The following HOMER2 variants were observed in gnomAD, a reference collection of about 807,000 sequenced individuals.
HOMER2 encodes homer protein homolog 2.
In HOMER2, 27 loss-of-function variants were observed where a neutral mutation model predicts 47.0. The ratio of observed to expected loss-of-function variants is 0.57; its 90% CI spans 0.42 to 0.79. HOMER2 has a LOEUF of 0.79. Among genes scored for constraint, HOMER2 ranks in the 30% least tolerant of loss-of-function variants. The pLI is 0.00. For synonymous variants in HOMER2, 161 were observed against 163.8 expected (o/e 0.98, Z 0.13); for missense variants, 443 against 435.0 (o/e 1.02, Z -0.16).
intron 1 of HOMER2, among the ~76,000 whole-genome samples, chr15:82,980,777 CT>C (rs1001295692): frequency 2.0e-4 from 30 of 152,258 alleles, no homozygotes; most frequent in African/African-American, 7.0e-4. Flanking sequence ...ATTTTAGAGT[CT>C]TGAATTTGGC....
At chr15:82,910,538 G>A (rs2053422677) in intron 1 of HOMER2, among the ~76,000 whole-genome samples, 1 of 152,178 alleles carries the variant, frequency 6.6e-6, no homozygotes, top group African/African-American at 2.4e-5. Flanking sequence ...AGCAAGGGTT[G>A]CACAGTACGT....
At chr15:82,929,127 C>T (rs1758662178) in intron 1 of HOMER2, among the ~76,000 whole-genome samples, 1 of 151,870 alleles carries the variant, frequency 6.6e-6, no homozygotes. Context: ...TCAATACAGC[C>T]GATCATAGAC....
intron 1 of HOMER2, among the ~76,000 whole-genome samples, chr15:82,976,057 C>T (rs2030190517): frequency 6.6e-6 from 1 of 152,130 alleles, no homozygotes; most frequent in African/African-American, 2.4e-5. Context: ...AGTCTGCATC[C>T]TCTGCACCCA....
intron 1 of HOMER2, among the ~76,000 whole-genome samples, chr15:82,938,676 C>T (rs750776819): frequency 1.3e-5 from 2 of 152,142 alleles, no homozygotes; most frequent in Non-Finnish European, 2.9e-5. Context: ...CTTCTCCACC[C>T]GCTCCTCACA....
intron 5 of HOMER2, among the ~76,000 whole-genome samples, chr15:82,855,476 G>A (rs114032402): frequency 1.4e-4 from 21 of 152,302 alleles, no homozygotes; most frequent in African/African-American, 4.6e-4. Flanking sequence ...TGGGTGGACC[G>A]GGTGACCTTC....
chr15:82,855,403 G>GGCGGGCAAGGC (rs1240079241), intron 5 of HOMER2, among the ~76,000 whole-genome samples: 2 of 151,852 alleles, frequency 1.3e-5, no homozygotes, highest in East Asian at 3.9e-4. Context: ...AGGGCTGCAG[G>GGCGGGCAAGGC]GCGGGCAAGG....
downstream of HOMER2, among the ~76,000 whole-genome samples, chr15:82,836,576 C>T (rs1456074196): frequency 6.6e-6 from 1 of 152,266 alleles, no homozygotes; most frequent in Non-Finnish European, 1.5e-5. Context: ...GCCAGGTCTT[C>T]TCTGACCTCT....
chr15:82,930,954 G>T (rs1486871969), intron 1 of HOMER2, among the ~76,000 whole-genome samples: 5 of 152,172 alleles, frequency 3.3e-5, no homozygotes, highest in Non-Finnish European at 7.4e-5. Context: ...TTGAACCCGG[G>T]AGGCGGAGGT....
At chr15:82,914,975 A>G (rs1449157184) in intron 1 of HOMER2, among the ~76,000 whole-genome samples, 1 of 152,142 alleles carries the variant, frequency 6.6e-6, no homozygotes, top group African/African-American at 2.4e-5. Flanking sequence ...CTTGAGGCCA[A>G]GAGTTTGAGA....
Position 82,869,450 on chromosome 15 carries a change from C to CT in HOMER2, c.295-5192dup, listed in dbSNP as rs71822678. On this transcript the variant is annotated intron_variant, in intron 3 of 8. Transcript: ENST00000450735. ...AATTATATGATTTTCTACTAAACAT[C>CT]TTTTTTTTTTTTTTTTTTTTTTTTT... Among the ~76,000 whole-genome samples the CT allele has an allele frequency of 7.3e-3, 516 of 70,220 alleles. 114 individuals are homozygous for CT. Among genetic ancestry groups the CT allele is most frequent in the African/African-American group, 0.016 (271 of 16,672 alleles). The allele number at this position is 70,220 out of a possible 152,430, so 46.1% of individuals were successfully genotyped here. A position where few individuals can be genotyped will look rare whatever the true frequency, so the allele number is the denominator to read the frequency against.
At chr15:82,914,118 C>T (rs544197251) in intron 1 of HOMER2, among the ~76,000 whole-genome samples, 18 of 151,516 alleles carry the variant, frequency 1.2e-4, no homozygotes, top group East Asian at 5.9e-4. Flanking sequence ...GGGCAGATCA[C>T]GAGGTCAGGA....
exon 2 of HOMER2, chr15:82,841,625 T>C (rs1379617453): frequency 1.3e-5 from 2 of 152,066 alleles, no homozygotes; most frequent in Non-Finnish European, 2.9e-5. Flanking sequence ...ATGTGATGAG[T>C]TGAGAAAGTG....
intron 1 of HOMER2, among the ~76,000 whole-genome samples, chr15:82,981,925 G>A (rs987577149): frequency 6.6e-6 from 1 of 152,138 alleles, no homozygotes; most frequent in Non-Finnish European, 1.5e-5. Context: ...GATGGATGGC[G>A]GTGATAGTTG....
chr15:82,873,699 C>T (rs1440082291), intron 3 of HOMER2, among the ~76,000 whole-genome samples: 1 of 152,172 alleles, frequency 6.6e-6, no homozygotes, highest in African/African-American at 2.4e-5. Context: ...TGTAAGAGGG[C>T]GGCACAAGGG....
chr15:82,868,541 A>ATATTTTTT, intron 3 of HOMER2, among the ~76,000 whole-genome samples: 1 of 71,262 alleles, frequency 1.4e-5, no homozygotes, highest in African/African-American at 5.0e-5. Context: ...ATATATATAT[A>ATATTTTTT]TTTTTTTTTT....
intron 7 of HOMER2, among the ~76,000 whole-genome samples, chr15:82,851,521 G>A (rs62011707): frequency 6.6e-6 from 1 of 152,160 alleles, no homozygotes; most frequent in Admixed American, 6.5e-5. Flanking sequence ...ACATGAGCAC[G>A]GCCTCCAACA....
chr15:82,948,558 G>A (rs1269595595), intron 1 of HOMER2, among the ~76,000 whole-genome samples: 1 of 152,168 alleles, frequency 6.6e-6, no homozygotes, highest in African/African-American at 2.4e-5. Flanking sequence ...GGGAGACTCT[G>A]TCTCAACAAA....
At chr15:82,861,704 TAATTTTAAAA>T (rs2051796047) in intron 4 of HOMER2, among the ~76,000 whole-genome samples, 1 of 152,166 alleles carries the variant, frequency 6.6e-6, no homozygotes, top group Admixed American at 6.5e-5. Flanking sequence ...GTGTGATTAC[TAATTTTAAAA>T]AGCATACAAG....
At chr15:82,914,398 A>T (rs1446149933) in intron 1 of HOMER2, among the ~76,000 whole-genome samples, 2 of 150,912 alleles carry the variant, frequency 1.3e-5, no homozygotes, top group Non-Finnish European at 3.0e-5. Flanking sequence ...AAAAAAAAAA[A>T]GGAAGTCCAC....
Sources: gnomAD v4.1 joint callset for allele counts (sites outside exome capture counted in the v4.1 genomes callset) on GRCh38, gnomAD v4.1.1 for gene constraint, MANE v1.5 for transcripts, NCBI Gene and HGNC (gene_info 2026-07-23, HGNC 2026-07-21) for gene names.